Variants in TBC1D8 observed in about 807,000 individuals in gnomAD.
TBC1D8 encodes BUB2-like protein 1.
A neutral mutation model predicts 118.8 loss-of-function variants in TBC1D8; 65 were observed. The ratio of observed to expected loss-of-function variants is 0.55; its 90% CI spans 0.45 to 0.67. The LOEUF is 0.67. Ranked by LOEUF, TBC1D8 falls within the 30% of genes least tolerant of loss-of-function variation. TBC1D8 has a pLI of 0.00. For synonymous variants in TBC1D8, 566 were observed against 595.8 expected (o/e 0.95, Z 0.73); for missense variants, 1,376 against 1,471.2 (o/e 0.94, Z 1.06).
intron 2 of TBC1D8, among the ~76,000 whole-genome samples, chr2:101,061,208 A>T (rs1159206249): frequency 2.0e-5 from 3 of 151,070 alleles, no homozygotes; most frequent in East Asian, 1.9e-4. Context: ...AAAAAAAAAA[A>T]AAGCCAGGCA....
At chr2:101,029,814 G>C in intron 11 of TBC1D8, 38 bp from the exon 12 acceptor site, 2 of 1,594,344 alleles carry the variant, frequency 1.3e-6, no homozygotes, top group Admixed American at 3.4e-5. Context: ...GCTGGGGTAG[G>C]ACTCACTCTC....
chr2:101,096,052 A>T (rs1051794882), intron 1 of TBC1D8, among the ~76,000 whole-genome samples: 1 of 152,184 alleles, frequency 6.6e-6, no homozygotes, highest in African/African-American at 2.4e-5. Flanking sequence ...ACTCTATTTG[A>T]GAAAGAGTTC....
chr2:101,093,956 A>G (rs989580684), intron 1 of TBC1D8, among the ~76,000 whole-genome samples: 14 of 152,080 alleles, frequency 9.2e-5, no homozygotes, highest in Non-Finnish European at 1.8e-4. Flanking sequence ...GTGGCCTCCC[A>G]AAGTGCTGGG....
intron 1 of TBC1D8, among the ~76,000 whole-genome samples, chr2:101,115,855 C>T (rs1373257913): frequency 1.3e-5 from 2 of 152,100 alleles, no homozygotes; most frequent in African/African-American, 4.8e-5. Context: ...ACCACCAGGG[C>T]CCCAGACATC....
chr2:101,135,860 G>A (rs1188795333), intron 1 of TBC1D8, among the ~76,000 whole-genome samples: 2 of 152,120 alleles, frequency 1.3e-5, no homozygotes, highest in Non-Finnish European at 2.9e-5. Flanking sequence ...GTCTCATACA[G>A]GTCTCAGGTT....
intron 1 of TBC1D8, among the ~76,000 whole-genome samples, chr2:101,140,380 C>T (rs1679050451): frequency 6.6e-6 from 1 of 152,162 alleles, no homozygotes; most frequent in South Asian, 2.1e-4. Flanking sequence ...ACACCCCACG[C>T]ATGCTAGACA....
chr2:101,029,819 ACT>A (rs1680568748), intron 11 of TBC1D8, 43 bp from the exon 12 acceptor site: 1 of 1,586,860 alleles, frequency 6.3e-7, no homozygotes, highest in Non-Finnish European at 8.6e-7. Context: ...GGTAGGACTC[ACT>A]CTCTAAGGTC....
intron 2 of TBC1D8, among the ~76,000 whole-genome samples, chr2:101,067,763 A>G (rs535631145): frequency 2.6e-5 from 4 of 152,288 alleles, no homozygotes; most frequent in Admixed American, 6.5e-5. Context: ...ATAAAATGAC[A>G]ATGAAGTTTC....
intron 2 of TBC1D8, among the ~76,000 whole-genome samples, chr2:101,072,011 G>A (rs1436377666): frequency 6.6e-6 from 1 of 152,192 alleles, no homozygotes; most frequent in Non-Finnish European, 1.5e-5. Context: ...CCCATGGGCT[G>A]CAGAATGGAT....
intron 2 of TBC1D8, among the ~76,000 whole-genome samples, chr2:101,078,447 A>G (rs1394161453): frequency 2.0e-5 from 3 of 152,196 alleles, no homozygotes; most frequent in Non-Finnish European, 4.4e-5. Flanking sequence ...ACAAGGAATC[A>G]AAGTTAACTT....
intron 1 of TBC1D8, among the ~76,000 whole-genome samples, chr2:101,097,267 T>C (rs970930806): frequency 1.3e-5 from 2 of 151,948 alleles, no homozygotes; most frequent in East Asian, 3.9e-4. Context: ...AAACAAAAAC[T>C]GAGAAAATAA....
intron 4 of TBC1D8, 129 bp from the exon 5 acceptor site, chr2:101,050,770 G>T: frequency 8.5e-7 from 1 of 1,176,038 alleles, no homozygotes; most frequent in African/African-American, 1.5e-5. Context: ...AATCTTTTAA[G>T]TTCAGGGATA....
intron 2 of TBC1D8, among the ~76,000 whole-genome samples, chr2:101,079,681 T>TG (rs1675122374): frequency 5.7e-5 from 1 of 17,448 alleles, no homozygotes; most frequent in Non-Finnish European, 1.3e-4. Flanking sequence ...TCCAGTCTGG[T>TG]TTTTTTTTTT....
chr2:101,047,026 T>C (rs189495005), intron 5 of TBC1D8, among the ~76,000 whole-genome samples: 2 of 152,302 alleles, frequency 1.3e-5, no homozygotes, highest in Admixed American at 1.3e-4. Flanking sequence ...TTGGGATACA[T>C]CTTTTCTGTT....
At chr2:101,145,178 C>A (rs898236192) in intron 1 of TBC1D8, among the ~76,000 whole-genome samples, 8 of 152,142 alleles carry the variant, frequency 5.3e-5, no homozygotes, top group Non-Finnish European at 7.4e-5. Context: ...TGACACAGTC[C>A]GTGCCTTGTT....
At chr2:101,075,741 C>T (rs2105441337) in intron 2 of TBC1D8, among the ~76,000 whole-genome samples, 1 of 152,266 alleles carries the variant, frequency 6.6e-6, no homozygotes, top group East Asian at 1.9e-4. Context: ...AAACCTCTTT[C>T]CTTTATAAAT....
At chr2:101,009,988 ATTTT>A (rs1028879529) in intron 19 of TBC1D8, among the ~76,000 whole-genome samples, 4 of 146,212 alleles carry the variant, frequency 2.7e-5, no homozygotes, top group Non-Finnish European at 6.1e-5. Context: ...CGTCCAGCTA[ATTTT>A]TTTTTTTGTA....
chr2:101,020,324 AGAT>A (rs10553891), intron 17 of TBC1D8, among the ~76,000 whole-genome samples: 27,960 of 151,768 alleles, frequency 0.18, 2,767 homozygotes, highest in Middle Eastern at 0.32. Flanking sequence ...AACTATGGAA[AGAT>A]GATGATGATG....
intron 1 of TBC1D8, among the ~76,000 whole-genome samples, chr2:101,091,207 C>T (rs1676012842): frequency 6.6e-6 from 1 of 152,064 alleles, no homozygotes; most frequent in African/African-American, 2.4e-5. Context: ...ATCGCTTGAT[C>T]CCAGCAGGTG....
Sources: gnomAD v4.1 joint callset for allele counts (sites outside exome capture counted in the v4.1 genomes callset) on GRCh38, gnomAD v4.1.1 for gene constraint, MANE v1.5 for transcripts, NCBI Gene and HGNC (gene_info 2026-07-23, HGNC 2026-07-21) for gene names.